The following GLIS3 variants were observed in gnomAD, a reference collection of about 807,000 sequenced individuals.
GLIS3 encodes the protein zinc finger protein GLIS3.
A neutral mutation model predicts 78.6 loss-of-function variants in GLIS3; 53 were observed. The ratio of observed to expected loss-of-function variants is 0.67; its 90% CI spans 0.54 to 0.85. GLIS3 has a LOEUF of 0.85. Ranked by LOEUF, GLIS3 falls within the 40% of genes least tolerant of loss-of-function variation. GLIS3 has a pLI of 0.00. For synonymous variants in GLIS3, 684 were observed against 509.9 expected, an observed-to-expected ratio of 1.34 and a Z score of -4.60; for missense variants, 1,703 against 1,231.1, an observed-to-expected ratio of 1.38 and a Z score of -5.74.
the GLIS3 span, among the ~76,000 whole-genome samples, chr9:4,415,235 G>A: frequency 2.0e-5 from 3 of 152,262 alleles, no homozygotes; most frequent in African/African-American, 7.2e-5. Context: ...ACAAAGTCCT[G>A]GTTGCCCATC....
chr9:4,078,517 G>C (rs952664936), intron 4 of GLIS3, among the ~76,000 whole-genome samples: 1 of 152,162 alleles, frequency 6.6e-6, no homozygotes, highest in East Asian at 1.9e-4. Flanking sequence ...AACAGCTCAA[G>C]CAAAACACAG....
intron 2 of GLIS3, among the ~76,000 whole-genome samples, chr9:4,133,142 A>G (rs558511981): frequency 1.8e-4 from 27 of 152,366 alleles, no homozygotes; most frequent in African/African-American, 6.3e-4. Context: ...CCATCTCTAT[A>G]TATAAACTTA....
At chr9:3,956,477 A>G (rs1422410425) in intron 4 of GLIS3, among the ~76,000 whole-genome samples, 2 of 152,198 alleles carry the variant, frequency 1.3e-5, no homozygotes, top group Non-Finnish European at 2.9e-5. Flanking sequence ...TTCAAGCAGA[A>G]TATTTTTGGC....
chr9:4,197,689 T>A (rs1465265670), intron 2 of GLIS3, among the ~76,000 whole-genome samples: 2 of 152,222 alleles, frequency 1.3e-5, no homozygotes, highest in African/African-American at 4.8e-5. Context: ...GACCACTATG[T>A]ACTCCATGAA....
At chr9:4,105,271 T>C (rs979126406) in intron 4 of GLIS3, among the ~76,000 whole-genome samples, 14 of 152,168 alleles carry the variant, frequency 9.2e-5, no homozygotes, top group Non-Finnish European at 5.9e-5. Context: ...TTATCCCCCA[T>C]TGGAGACACC....
intron 2 of GLIS3, among the ~76,000 whole-genome samples, chr9:4,217,846 G>A (rs1306643919): frequency 6.6e-6 from 1 of 152,192 alleles, no homozygotes; most frequent in Non-Finnish European, 1.5e-5. Flanking sequence ...AAATTCTGCA[G>A]CAGCATGAAA....
chr9:4,135,183 G>T (rs1416870964), intron 2 of GLIS3, among the ~76,000 whole-genome samples: 1 of 152,054 alleles, frequency 6.6e-6, no homozygotes, highest in African/African-American at 2.4e-5. Flanking sequence ...TACTTAGATA[G>T]CATTATCTCT....
At chr9:4,007,612 T>C (rs1821657223) in intron 4 of GLIS3, among the ~76,000 whole-genome samples, 1 of 151,920 alleles carries the variant, frequency 6.6e-6, no homozygotes, top group Admixed American at 6.6e-5. Flanking sequence ...ATAATCCACA[T>C]CTGATGGTAG....
intron 2 of GLIS3, among the ~76,000 whole-genome samples, chr9:4,248,547 T>C (rs1483582178): frequency 6.6e-6 from 1 of 152,182 alleles, no homozygotes; most frequent in East Asian, 1.9e-4. Flanking sequence ...CTGCAATAAA[T>C]ATATGTGTGC....
chr9:4,346,620 C>T (rs1817901121), intron 2 of GLIS3, among the ~76,000 whole-genome samples: 1 of 152,180 alleles, frequency 6.6e-6, no homozygotes, highest in African/African-American at 2.4e-5. Context: ...CCTTGGTCAG[C>T]TTCTCTAGTA....
At chr9:4,311,369 A>G (rs147284054) in intron 2 of GLIS3, among the ~76,000 whole-genome samples, 1 of 152,326 alleles carries the variant, frequency 6.6e-6, no homozygotes, top group Non-Finnish European at 1.5e-5. Flanking sequence ...AGATAGCACC[A>G]CTACACTCCA....
the GLIS3 span, among the ~76,000 whole-genome samples, chr9:4,437,468 C>CTATCTATCTATCTATA: frequency 9.5e-6 from 1 of 104,906 alleles, no homozygotes; most frequent in African/African-American, 2.9e-5. Flanking sequence ...ATCTATCTAT[C>CTATCTATCTATCTATA]TATATATCAT....
At chr9:4,395,814 A>T in the GLIS3 span, among the ~76,000 whole-genome samples, 1 of 142,596 alleles carries the variant, frequency 7.0e-6, no homozygotes, top group South Asian at 2.2e-4. Flanking sequence ...TCGCTCTGTC[A>T]CCGGGCTGGA....
chr9:3,950,514 C>T (rs1429943625), intron 4 of GLIS3, among the ~76,000 whole-genome samples: 3 of 152,240 alleles, frequency 2.0e-5, no homozygotes, highest in Non-Finnish European at 4.4e-5. Context: ...CACCATGCCC[C>T]TTCCCACCTC....
chr9:4,430,474 G>T, the GLIS3 span, among the ~76,000 whole-genome samples: 3 of 152,200 alleles, frequency 2.0e-5, no homozygotes, highest in Admixed American at 6.5e-5. Flanking sequence ...TATGTCTTTC[G>T]TGCAAAATAT....
chr9:4,452,381 A>T, the GLIS3 span, among the ~76,000 whole-genome samples: 4 of 152,220 alleles, frequency 2.6e-5, no homozygotes, highest in African/African-American at 4.8e-5. Context: ...GGAAGTCAAA[A>T]TGTCTCTGTT....
the GLIS3 span, among the ~76,000 whole-genome samples, chr9:4,440,160 T>C: frequency 6.6e-6 from 1 of 152,240 alleles, no homozygotes; most frequent in African/African-American, 2.4e-5. Flanking sequence ...ACTCTGCTAA[T>C]TGTTTCTTTG....
At chr9:4,310,006 T>C (rs1394860556) in intron 3 of GLIS3, among the ~76,000 whole-genome samples, 2 of 152,224 alleles carry the variant, frequency 1.3e-5, no homozygotes, top group South Asian at 4.1e-4. Flanking sequence ...GCAAACAGCA[T>C]TTGGCTTTGA....
the GLIS3 span, among the ~76,000 whole-genome samples, chr9:4,425,895 G>C: frequency 6.6e-6 from 1 of 152,122 alleles, no homozygotes; most frequent in Non-Finnish European, 1.5e-5. Flanking sequence ...CACAACATTG[G>C]TTCCAGTTCC....
Sources: gnomAD v4.1 joint callset for allele counts (sites outside exome capture counted in the v4.1 genomes callset) on GRCh38, gnomAD v4.1.1 for gene constraint, MANE v1.5 for transcripts, NCBI Gene and HGNC (gene_info 2026-07-23, HGNC 2026-07-21) for gene names.